DYNC2LI1: variants seen among roughly 807,000 people sequenced by gnomAD.
DYNC2LI1 encodes the protein dynein cytoplasmic 2 light intermediate chain 1.
Under a neutral mutation model 51.9 loss-of-function variants are expected in DYNC2LI1, and 45 were observed. The observed-to-expected ratio is 0.87, with a 90% CI of 0.68 to 1.11. The LOEUF is 1.11. Ranked by LOEUF, DYNC2LI1 falls within the 50% of genes most tolerant of loss-of-function variation. The pLI is 0.00. For synonymous variants in DYNC2LI1, 130 were observed against 137.8 expected, an observed-to-expected ratio of 0.94 and a Z score of 0.40; for missense variants, 490 against 417.4, an observed-to-expected ratio of 1.17 and a Z score of -1.51.
At chr2:43,820,740 G>T in the DYNC2LI1 span, among the ~76,000 whole-genome samples, 1 of 152,212 alleles carries the variant, frequency 6.6e-6, no homozygotes, top group East Asian at 1.9e-4. Context: ...TGCAACCTCT[G>T]CTTCCCAGGT....
At chr2:43,826,373 A>T in the DYNC2LI1 span, 1 of 1,613,522 alleles carries the variant, frequency 6.2e-7, no homozygotes, top group Admixed American at 1.7e-5. Flanking sequence ...TACGAGTTGA[A>T]CCTCTTACCT....
chr2:43,804,753 AT>A lies in DYNC2LI1; in HGVS notation c.900+21del, dbSNP rs1558698176. 3 of 1,563,528 alleles carry A rather than the reference AT, an allele frequency of 1.9e-6. No homozygotes were observed. The highest frequency in any genetic ancestry group is 2.6e-6 in the Non-Finnish European group (3 of 1,149,462). ...TTTCCACCAAAGGTACATATTTCTA[AT>A]TTTTTTAAAAGCAAGACTTTTAGCA... On this transcript the variant is annotated intron_variant, in intron 11 of 12. Transcript: ENST00000260605.
chr2:43,820,267 A>T, the DYNC2LI1 span, among the ~76,000 whole-genome samples: 1 of 152,180 alleles, frequency 6.6e-6, no homozygotes. Flanking sequence ...TCAACATGAG[A>T]CTATTTATTA....
the DYNC2LI1 span, chr2:43,827,986 G>T: frequency 6.2e-7 from 1 of 1,613,862 alleles, no homozygotes; most frequent in African/African-American, 1.3e-5. Context: ...CACTTACTAG[G>T]ATCCTGGAGC....
downstream of DYNC2LI1, chr2:43,814,718 G>A: frequency 5.0e-6 from 3 of 602,656 alleles, no homozygotes; most frequent in Non-Finnish European, 8.7e-6. Flanking sequence ...TAAAAATGAT[G>A]CTCACTATAA....
intron 12 of DYNC2LI1, 117 bp from the exon 13 acceptor site, chr2:43,809,588 A>G: frequency 1.4e-6 from 1 of 700,006 alleles, no homozygotes; most frequent in Non-Finnish European, 2.5e-6. Context: ...AATATTTAGA[A>G]TGATAATGCT....
the DYNC2LI1 span, chr2:43,819,979 T>C: frequency 1.2e-6 from 2 of 1,614,176 alleles, no homozygotes; most frequent in African/African-American, 2.7e-5. Context: ...CTGTTGACTA[T>C]ATTTGGATTT....
the DYNC2LI1 span, chr2:43,820,115 G>A: frequency 6.2e-7 from 1 of 1,611,330 alleles, no homozygotes; most frequent in Non-Finnish European, 8.5e-7. Context: ...AAAAGCATAA[G>A]CTCTTTAGTT....
intron 3 of DYNC2LI1, among the ~76,000 whole-genome samples, chr2:43,784,192 T>A (rs1050555440): frequency 6.6e-6 from 1 of 152,208 alleles, no homozygotes; most frequent in African/African-American, 2.4e-5. Context: ...ATCACTCATT[T>A]GAAAAATATT....
chr2:43,806,051 T>G (rs1471288450), intron 12 of DYNC2LI1, among the ~76,000 whole-genome samples: 1 of 152,066 alleles, frequency 6.6e-6, no homozygotes, highest in Non-Finnish European at 1.5e-5. Flanking sequence ...TGGCTAATTT[T>G]TTTTGCTTTT....
intron 3 of DYNC2LI1, among the ~76,000 whole-genome samples, chr2:43,786,289 C>A (rs916820028): frequency 1.3e-5 from 2 of 152,112 alleles, no homozygotes; most frequent in Non-Finnish European, 2.9e-5. Context: ...GCCTCAACTT[C>A]CCAGGCTCAA....
At chr2:43,789,863 A>G (rs557232953) in intron 5 of DYNC2LI1, 142 bp downstream of exon 5, 11 of 621,946 alleles carry the variant, frequency 1.8e-5, no homozygotes, top group Non-Finnish European at 2.9e-5. Flanking sequence ...CTAAATGCCT[A>G]ACCTGTAATG....
At chr2:43,828,208 C>G in the DYNC2LI1 span, 1 of 1,579,680 alleles carries the variant, frequency 6.3e-7, no homozygotes, top group South Asian at 1.1e-5. Flanking sequence ...GGCAGCACAC[C>G]GCCCAAGAAT....
At chr2:43,784,459 G>A (rs1373388594) in intron 3 of DYNC2LI1, among the ~76,000 whole-genome samples, 1 of 149,874 alleles carries the variant, frequency 6.7e-6, no homozygotes, top group Admixed American at 6.6e-5. Flanking sequence ...TTTTTTTTGA[G>A]ATGGAGTTTC....
rs137995315 is a variant in DYNC2LI1 at position 43,779,883 on chromosome 2, A to G, written c.126+2984A>G. On this transcript the variant is annotated intron_variant, in intron 2 of 12. Transcript: ENST00000260605. ...CCAGAGTACATGGTTTTTCTCCACC[A>G]TCACTCACTTGCATGGGTGCAGGCA... is the stretch of plus-strand genomic sequence containing the variant. Among the ~76,000 whole-genome samples, 7 of 152,338 alleles carry G rather than the reference A, an allele frequency of 4.6e-5. No individual in the cohort carries two copies. The East Asian group carries it at 1.2e-3, about 25-fold the overall frequency.
Position 43,806,327 on chromosome 2 carries a change from T to G in DYNC2LI1, c.993+1081T>G, listed in dbSNP as rs1666254434. Among the ~76,000 whole-genome samples, 5 of 152,206 alleles carry G rather than the reference T, an allele frequency of 3.3e-5. No homozygotes were observed. In the South Asian group the frequency reaches 1.0e-3, roughly 32 times the overall value. ...GCCCCAGCAACTTCTCAGGTGGCAG[T>G]CACGTTGTTGCGAGGGTAACCTGAA... On this transcript the variant is annotated intron_variant, in intron 12 of 12. Coordinates refer to ENST00000260605, the MANE Select transcript of DYNC2LI1 (RefSeq NM_016008.4).
the DYNC2LI1 span, chr2:43,823,985 C>T: frequency 2.5e-6 from 4 of 1,614,186 alleles, no homozygotes; most frequent in Admixed American, 1.7e-5. Flanking sequence ...CCTACGCGGT[C>T]CTGGATAGCA....
At position 43,774,070 on chromosome 2, in the gene DYNC2LI1, C is replaced by T; in HGVS notation, c.-69C>T. ...CCTCACTCCCAGACTCCTTGCGGAG[C>T]TCGCCGCCTGATTCTAGGCTGGTCA... On this transcript the variant is annotated 5_prime_UTR_variant, in exon 1 of 13. Coordinates refer to ENST00000260605, the MANE Select transcript of DYNC2LI1 (RefSeq NM_016008.4). 1 of 1,603,832 alleles carries T rather than the reference C, an allele frequency of 6.2e-7. No individual in the cohort carries two copies. The highest frequency in any genetic ancestry group is 8.5e-7 in the Non-Finnish European group (1 of 1,175,080).
the DYNC2LI1 span, chr2:43,828,056 G>A: frequency 6.2e-7 from 1 of 1,614,156 alleles, no homozygotes; most frequent in Non-Finnish European, 8.5e-7. Context: ...CCAAGCTGTA[G>A]TTGCCAATCA....
Sources: allele counts gnomAD v4.1 joint callset (sites outside exome capture counted in the v4.1 genomes callset), GRCh38; gene constraint gnomAD v4.1.1; transcripts MANE v1.5; gene names NCBI Gene and HGNC (gene_info 2026-07-23, HGNC 2026-07-21).